ASIC2: variants seen among roughly 807,000 people sequenced by gnomAD.
ASIC2 encodes acid-sensing ion channel 2.
ASIC2 carries 25 observed loss-of-function variants against 57.3 expected under a neutral mutation model. The ratio of observed to expected loss-of-function variants is 0.44; its 90% CI spans 0.32 to 0.61. The LOEUF is 0.61. ASIC2 is among the 20% of genes least tolerant of loss of function. The probability of loss-of-function intolerance (pLI) is 0.06; values close to 1 mark genes in which losing one functional copy is unlikely to be tolerated. For missense variants in ASIC2, 641 were observed against 738.1 expected, an observed-to-expected ratio of 0.87 and a Z score of 1.52; for synonymous variants, 319 against 307.5, an observed-to-expected ratio of 1.04 and a Z score of -0.39.
chr17:33,690,482 G>T (rs944878868), intron 1 of ASIC2, among the ~76,000 whole-genome samples: 1 of 152,266 alleles, frequency 6.6e-6, no homozygotes, highest in South Asian at 2.1e-4. Flanking sequence ...TGATGGCTGG[G>T]TTGTAAGAAG....
intron 1 of ASIC2, among the ~76,000 whole-genome samples, chr17:33,347,244 G>A (rs1907984917): frequency 6.6e-6 from 1 of 152,202 alleles, no homozygotes; most frequent in Non-Finnish European, 1.5e-5. Context: ...ATTCACATGA[G>A]CATCTTTTCA....
chr17:34,022,639 A>C (rs1907218320), intron 1 of ASIC2, among the ~76,000 whole-genome samples: 1 of 150,380 alleles, frequency 6.6e-6, no homozygotes, highest in South Asian at 2.1e-4. Flanking sequence ...GAAAAAAAAA[A>C]ACAAAAAAAA....
chr17:33,144,634 A>C (rs1904479615), intron 1 of ASIC2, among the ~76,000 whole-genome samples: 1 of 152,136 alleles, frequency 6.6e-6, no homozygotes, highest in Non-Finnish European at 1.5e-5. Flanking sequence ...AGGGCTGCCT[A>C]GGGTGACCGA....
intron 1 of ASIC2, among the ~76,000 whole-genome samples, chr17:33,684,398 A>G (rs1908113340): frequency 6.6e-6 from 1 of 152,010 alleles, no homozygotes. Flanking sequence ...CGTTTTAAAT[A>G]TATCGGGCAG....
intron 3 of ASIC2, among the ~76,000 whole-genome samples, chr17:33,031,689 G>A (rs188662439): frequency 1.3e-5 from 2 of 152,262 alleles, no homozygotes; most frequent in African/African-American, 4.8e-5. Context: ...AGTTATGAGA[G>A]AGGAGTATCA....
chr17:33,431,900 A>G (rs1377669329), intron 1 of ASIC2, among the ~76,000 whole-genome samples: 2 of 152,222 alleles, frequency 1.3e-5, no homozygotes, highest in Admixed American at 6.5e-5. Context: ...ACTATAATGC[A>G]CTATATTCCA....
chr17:34,066,238 T>G (rs940277459), intron 1 of ASIC2, among the ~76,000 whole-genome samples: 3 of 152,202 alleles, frequency 2.0e-5, no homozygotes, highest in Non-Finnish European at 4.4e-5. Flanking sequence ...GAGATAACAT[T>G]GTGACCAACA....
chr17:33,096,259 C>T (rs1033794308), intron 2 of ASIC2, among the ~76,000 whole-genome samples: 5 of 152,216 alleles, frequency 3.3e-5, no homozygotes, highest in African/African-American at 9.6e-5. Flanking sequence ...GGACAAGACC[C>T]AGAGCTGGAG....
chr17:33,279,214 C>T (rs1479523528), intron 1 of ASIC2, among the ~76,000 whole-genome samples: 2 of 152,186 alleles, frequency 1.3e-5, no homozygotes, highest in Non-Finnish European at 2.9e-5. Flanking sequence ...TCTCTTTCTG[C>T]ACCCCATCTT....
chr17:33,125,787 T>G (rs2092320802), intron 1 of ASIC2, among the ~76,000 whole-genome samples: 1 of 152,204 alleles, frequency 6.6e-6, no homozygotes, highest in Non-Finnish European at 1.5e-5. Flanking sequence ...GCTGTGGGCA[T>G]TCAAGGGCCT....
In ASIC2 at chr17:34,075,238, C is replaced by T. The variant is rs145719200; in HGVS notation, c.555+80740G>A. On this transcript the variant is annotated intron_variant, in intron 1 of 9. Coordinates refer to the ASIC2 transcript ENST00000359872. The stretch of plus-strand genomic sequence containing the variant: ...TCCAGCTGATTGAAACTCAGGTGGC[C>T]TGTGTGTCACAAGCTCTGATGCAGA... Among the ~76,000 whole-genome samples the T allele has an allele frequency of 4.8e-4, 73 of 152,246 alleles. No individual in the cohort carries two copies. The East Asian group carries it at 0.013, about 27-fold the overall frequency.
At chr17:34,098,025 T>C (rs1272731099) in intron 1 of ASIC2, among the ~76,000 whole-genome samples, 8 of 152,086 alleles carry the variant, frequency 5.3e-5, no homozygotes, top group Admixed American at 6.6e-5. Flanking sequence ...CTTTACTCCA[T>C]TTTGTCATGC....
chr17:33,893,330 C>G (rs185467188), intron 1 of ASIC2, among the ~76,000 whole-genome samples: 2 of 152,166 alleles, frequency 1.3e-5, no homozygotes, highest in African/African-American at 4.8e-5. Context: ...GAGTAACACA[C>G]TTTGGGCCCT....
At chr17:33,352,294 C>T (rs1275985834) in intron 1 of ASIC2, among the ~76,000 whole-genome samples, 1 of 152,148 alleles carries the variant, frequency 6.6e-6, no homozygotes, top group Non-Finnish European at 1.5e-5. Context: ...GTGACTAGCC[C>T]TGTTCTCTCC....
At chr17:33,287,404 C>T (rs1459666816) in intron 1 of ASIC2, among the ~76,000 whole-genome samples, 1 of 152,198 alleles carries the variant, frequency 6.6e-6, no homozygotes, top group East Asian at 1.9e-4. Flanking sequence ...CCCCCTGGTT[C>T]TTCTTCCAAA....
chr17:33,419,326 A>G (rs1910967338), intron 1 of ASIC2, among the ~76,000 whole-genome samples: 1 of 152,250 alleles, frequency 6.6e-6, no homozygotes, highest in Non-Finnish European at 1.5e-5. Context: ...ATGTGTTTAA[A>G]GAAATAATGT....
intron 1 of ASIC2, chr17:33,792,896 T>G (rs1911813779): frequency 6.6e-6 from 1 of 152,216 alleles, no homozygotes; most frequent in South Asian, 2.1e-4. Flanking sequence ...CTCCATGCAC[T>G]TGTTTTCTTC....
At chr17:33,286,233 C>T (rs1339276786) in intron 1 of ASIC2, among the ~76,000 whole-genome samples, 2 of 152,308 alleles carry the variant, frequency 1.3e-5, no homozygotes, top group South Asian at 4.1e-4. Flanking sequence ...CTGTTTTCTT[C>T]GCTTTCAGTA....
chr17:33,636,110 A>T (rs1906354688), intron 1 of ASIC2, among the ~76,000 whole-genome samples: 1 of 152,230 alleles, frequency 6.6e-6, no homozygotes, highest in Admixed American at 6.5e-5. Context: ...ATTAACAATG[A>T]TGTGTATATG....
Sources: gnomAD v4.1 joint callset for allele counts (sites outside exome capture counted in the v4.1 genomes callset) on GRCh38, gnomAD v4.1.1 for gene constraint, MANE v1.5 for transcripts, NCBI Gene and HGNC (gene_info 2026-07-23, HGNC 2026-07-21) for gene names.